The following UHRF1 variants were observed in gnomAD, a reference collection of about 807,000 sequenced individuals.
UHRF1 encodes ubiquitin like with PHD and ring finger domains 1.
In UHRF1, 9 loss-of-function variants were observed where a neutral mutation model predicts 96.5. That is an observed-to-expected ratio of 0.09 (90% CI 0.06 to 0.16). The LOEUF (loss-of-function observed/expected upper bound fraction) is 0.16. UHRF1 is among the 10% of genes least tolerant of loss of function. The probability of loss-of-function intolerance (pLI) is 1.00; values close to 1 mark genes in which losing one functional copy is unlikely to be tolerated. For synonymous variants in UHRF1, 455 were observed against 469.9 expected (o/e 0.97, Z 0.41); for missense variants, 626 against 1,131.1 (o/e 0.55, Z 6.40).
intron 13 of UHRF1, among the ~76,000 whole-genome samples, chr19:4,953,778 T>C (rs1352083949): frequency 6.6e-6 from 1 of 152,184 alleles, no homozygotes; most frequent in Non-Finnish European, 1.5e-5. Flanking sequence ...TAATATTTTA[T>C]ATTTAGCCTG....
chr19:4,918,739 T>TTC (rs1555745709), intron 2 of UHRF1, among the ~76,000 whole-genome samples: 1 of 145,804 alleles, frequency 6.9e-6, no homozygotes, highest in African/African-American at 2.6e-5. Context: ...TTTTTTTTTT[T>TTC]AGACAGGCTC....
chr19:4,954,428 C>G lies in UHRF1; in HGVS notation c.1897C>G (p.Gln633Glu), dbSNP rs534664954. 2.4e-5 allele frequency: 38 copies of G among 1,613,658 alleles called. No homozygotes were observed. Among genetic ancestry groups the G allele is most frequent in the Middle Eastern group, 3.3e-4 (2 of 6,050 alleles). The change falls in exon 14 of 17, where the codon CAG becomes GAG. Residue 633 changes from glutamine (Q) to glutamate (E), a missense_variant. Physicochemically the swap from Gln to Glu is conservative, Grantham distance 29 (BLOSUM62 2). Coordinates refer to ENST00000650932, the MANE Select transcript of UHRF1 (RefSeq NM_001048201.3). The surrounding 1 kb of genome is among the most constrained non-coding windows in gnomAD (Gnocchi z 5.9). ...ENSKREEEEQ[Q>E]EGGFASPRTG... ...CAGCAAGAGGGAGGAGGAGGAGCAGCAGGAGGGGGGCTTCGCGTCCCCCAG... is the reference window on the plus strand; with the variant it reads ...CAGCAAGAGGGAGGAGGAGGAGCAGGAGGAGGGGGGCTTCGCGTCCCCCAG...
chr19:4,928,758 C>A (rs2032951435), intron 2 of UHRF1, among the ~76,000 whole-genome samples: 1 of 152,202 alleles, frequency 6.6e-6, no homozygotes, highest in Non-Finnish European at 1.5e-5. Flanking sequence ...CCTCCACCCA[C>A]TCCATGCTAG....
chr19:4,921,162 G>T (rs1210650675), intron 2 of UHRF1, among the ~76,000 whole-genome samples: 1 of 148,800 alleles, frequency 6.7e-6, no homozygotes, highest in Non-Finnish European at 1.5e-5. Flanking sequence ...CCAGGATGCC[G>T]GGCACGGTGG....
intron 7 of UHRF1, among the ~76,000 whole-genome samples, chr19:4,943,501 C>G (rs1279876292): frequency 7.1e-6 from 1 of 141,660 alleles, no homozygotes; most frequent in African/African-American, 2.8e-5. Context: ...CCCTGCCCCC[C>G]CTCCCCACAT....
upstream of UHRF1, among the ~76,000 whole-genome samples, chr19:4,907,935 C>T (rs535317666): frequency 1.3e-5 from 2 of 152,082 alleles, no homozygotes; most frequent in Non-Finnish European, 2.9e-5. Context: ...TGGTCTCGAA[C>T]TCCTGACCTC....
At chr19:4,916,951 G>A (rs2032529770) in intron 2 of UHRF1, among the ~76,000 whole-genome samples, 1 of 151,936 alleles carries the variant, frequency 6.6e-6, no homozygotes, top group South Asian at 2.1e-4. Context: ...TAAAGTTGGA[G>A]AACCACTGCT....
intron 2 of UHRF1, among the ~76,000 whole-genome samples, chr19:4,918,365 A>C (rs2032592720): frequency 6.7e-6 from 1 of 149,164 alleles, no homozygotes. Flanking sequence ...CAGGTGATCC[A>C]CCCACCTTGG....
chr19:4,918,227 C>G (rs373139905), intron 2 of UHRF1, among the ~76,000 whole-genome samples: 1 of 151,946 alleles, frequency 6.6e-6, no homozygotes, highest in Non-Finnish European at 1.5e-5. Context: ...TCAAGTGATT[C>G]TCCTGCCTCA....
In UHRF1 at chr19:4,944,210, G is replaced by A. The variant is rs369756524; in HGVS notation, c.1152G>A (p.Ala384=). The A allele has an allele frequency of 2.0e-5, 33 of 1,613,942 alleles. No homozygotes were observed. Among genetic ancestry groups the A allele is most frequent in the South Asian group, 7.7e-5 (7 of 91,090 alleles). Residue 384 remains alanine, a synonymous_variant, in exon 8 of 17, where the codon GCG becomes GCA. Transcript: ENST00000650932. ...GERLRESKKK[A]KMASATSSSQ... ...GGCTGAGAGAGAGCAAGAAGAAGGC[G>A]AAGATGGCCTCGGCCACATCGTCCT...
At chr19:4,949,037 A>G (rs543532543) in intron 11 of UHRF1, among the ~76,000 whole-genome samples, 1 of 148,218 alleles carries the variant, frequency 6.7e-6, no homozygotes, top group African/African-American at 2.5e-5. Context: ...CGGGAGGCTG[A>G]GGCAGGAGAA....
At chr19:4,920,112 C>A (rs1039646115) in intron 2 of UHRF1, among the ~76,000 whole-genome samples, 1 of 152,176 alleles carries the variant, frequency 6.6e-6, no homozygotes. Context: ...CCATCGCACC[C>A]GGCCAATCAT....
rs77868229 is a variant in UHRF1 at position 4,938,702 on chromosome 19, C to T, written c.786-2826C>T. 1.7e-3 allele frequency among the ~76,000 whole-genome samples: 231 copies of T among 139,626 alleles called. 5 individuals are homozygous for T. In the East Asian group the frequency reaches 0.036, roughly 22 times the overall value. The allele number at this position is 139,626 out of a possible 152,430, so 91.6% of individuals were successfully genotyped here. On this transcript the variant is annotated intron_variant, in intron 5 of 16. Transcript: ENST00000650932. ...GGGACTACAGGCATGAGCCACTGCA[C>T]CTGGCATAAGAGTTTTGTTTTGGTC...
chr19:4,940,066 AAAG>A (rs2033345125), intron 5 of UHRF1, among the ~76,000 whole-genome samples: 2 of 152,056 alleles, frequency 1.3e-5, no homozygotes, highest in African/African-American at 4.8e-5. Context: ...ACCTGGTACA[AAAG>A]AAGAATGTAA....
rs749330232 is a variant in UHRF1, at chr19:4,932,741, C to G, written c.570C>G (p.Asp190Glu). The G allele has an allele frequency of 5.6e-6, 9 of 1,613,556 alleles. No individual in the cohort carries two copies. In the South Asian group the frequency reaches 9.9e-5, roughly 18 times the overall value. ...TCTAAGGCCCGGGCTTTCCTCCCAG[C>G]TACCCGGAGAACGGCGTGGTCCAGA... is the stretch of plus-strand genomic sequence containing the variant. The part of the protein sequence containing the change: ...EDVIYHVKYD[D>E]YPENGVVQMN... Residue 190 changes from aspartate (D) to glutamate (E), a missense_variant and splice_region_variant, in exon 5 of 17, where the codon GAC becomes GAG. Around this residue, in one of 11 missense-constraint regions of UHRF1, gnomAD observed 198 missense variants for 235.1 expected, o/e 0.84. Coordinates refer to ENST00000650932, the MANE Select transcript of UHRF1 (RefSeq NM_001048201.3).
intron 5 of UHRF1, among the ~76,000 whole-genome samples, chr19:4,933,383 T>G (rs867212020): frequency 1.1e-4 from 16 of 152,018 alleles, no homozygotes; most frequent in Non-Finnish European, 2.1e-4. Context: ...ACCTGGCTAA[T>G]TTTTTTGTAT....
At chr19:4,947,582 C>T (rs548566590) in intron 11 of UHRF1, among the ~76,000 whole-genome samples, 30 of 139,812 alleles carry the variant, frequency 2.1e-4, no homozygotes, top group Non-Finnish European at 3.3e-4. Context: ...CTCACTGCAA[C>T]CTCTGCCTCC....
upstream of UHRF1, among the ~76,000 whole-genome samples, chr19:4,905,931 C>T (rs527727220): frequency 9.2e-5 from 14 of 152,268 alleles, no homozygotes; most frequent in African/African-American, 1.7e-4. Flanking sequence ...TTTTCTGAGA[C>T]GCCTGGAATA....
chr19:4,940,203 G>A (rs1026816391), intron 5 of UHRF1, among the ~76,000 whole-genome samples: 8 of 151,792 alleles, frequency 5.3e-5, no homozygotes, highest in African/African-American at 1.7e-4. Context: ...GTGCTTATTA[G>A]GAAATTTAGA....
Sources: allele counts gnomAD v4.1 joint callset (sites outside exome capture counted in the v4.1 genomes callset), GRCh38; gene constraint gnomAD v4.1.1; regional missense constraint gnomAD v4.1.1; non-coding constraint Gnocchi (gnomAD v3.1); transcripts MANE v1.5; gene names NCBI Gene and HGNC (gene_info 2026-07-23, HGNC 2026-07-21).